AGAP1: variants seen among roughly 807,000 people sequenced by gnomAD.
The protein encoded by AGAP1 is arf-GAP with GTPase, ANK repeat and PH domain-containing protein 1.
AGAP1 carries 29 observed loss-of-function variants against 105.3 expected under a neutral mutation model. The observed-to-expected ratio is 0.28, with a 90% confidence interval of 0.21 to 0.38. The LOEUF (loss-of-function observed/expected upper bound fraction) is 0.38, where lower values mean the gene tolerates loss of function less well. AGAP1 is among the 10% of genes least tolerant of loss of function. The pLI, the probability that AGAP1 is intolerant of heterozygous loss-of-function variation, is 1.00. For missense variants in AGAP1, 998 were observed against 1,165.1 expected (o/e 0.86, Z 2.09); for synonymous variants, 509 against 485.9 (o/e 1.05, Z -0.63).
At chr2:235,839,073 T>C (rs538656466) in intron 9 of AGAP1, among the ~76,000 whole-genome samples, 4 of 152,350 alleles carry the variant, frequency 2.6e-5, no homozygotes, top group Non-Finnish European at 5.9e-5. Context: ...GGATATTTCA[T>C]GTGACCGAGG....
At chr2:235,897,575 G>A (rs987923796) in intron 10 of AGAP1, among the ~76,000 whole-genome samples, 3 of 152,110 alleles carry the variant, frequency 2.0e-5, no homozygotes, top group Non-Finnish European at 4.4e-5. Flanking sequence ...ATGTCAGATC[G>A]TCTCTGGCCG....
Position 236,040,482 on chromosome 2 carries a change from A to G in AGAP1, c.1801-269A>G, listed in dbSNP as rs1010582947. ...GTCCATGCGTATTCACAGATGATCC[A>G]GAACTCTCCTCTTTGCTCATTTCTG... is the stretch of plus-strand genomic sequence containing the variant. On this transcript the variant is annotated intron_variant, in intron 14 of 17. Coordinates refer to ENST00000304032, the MANE Select transcript of AGAP1 (RefSeq NM_001037131.3). This position sits in a 1 kb window ranked among gnomAD's most constrained non-coding sequence, Gnocchi z 5.6. 7.8e-6 allele frequency: 4 copies of G among 514,336 alleles called. No homozygotes were observed. The highest frequency in any genetic ancestry group is 1.4e-5 in the Non-Finnish European group (4 of 285,714). 31.9% of individuals were successfully genotyped at this position (514,336 alleles called of 1,614,324 possible).
chr2:235,686,665 A>ATATAT (rs1369766503), intron 1 of AGAP1, among the ~76,000 whole-genome samples: 7 of 77,500 alleles, frequency 9.0e-5, no homozygotes, highest in African/African-American at 4.5e-4. Context: ...ATATATATAT[A>ATATAT]TTTTTTTTTT....
At position 235,960,049 on chromosome 2, in the gene AGAP1, A is replaced by G. The variant is rs1437559941; in HGVS notation, c.1484-8413A>G. ...AGGAGAACGCAGTGGGCAGAGACGCACCCTGCCCTGCCTGCAGCATGGCCT... is the reference window on the plus strand; with the variant it reads ...AGGAGAACGCAGTGGGCAGAGACGCGCCCTGCCCTGCCTGCAGCATGGCCT... On this transcript the variant is annotated intron_variant, in intron 12 of 17. Transcript: ENST00000304032. This position sits in a 1 kb window ranked among gnomAD's most constrained non-coding sequence, Gnocchi z 4.9. Among the ~76,000 whole-genome samples the G allele has an allele frequency of 6.6e-6, 1 of 152,020 alleles. No individual in the cohort carries two copies. Among genetic ancestry groups the G allele is most frequent in the Non-Finnish European group, 1.5e-5 (1 of 67,982 alleles).
At chr2:235,837,380 T>G (rs1360685100) in intron 9 of AGAP1, among the ~76,000 whole-genome samples, 1 of 152,188 alleles carries the variant, frequency 6.6e-6, no homozygotes, top group African/African-American at 2.4e-5. Flanking sequence ...GAACGTTTAC[T>G]CTAAAGGATC....
At chr2:236,094,476 T>G (rs998408525) in intron 16 of AGAP1, among the ~76,000 whole-genome samples, 9 of 151,562 alleles carry the variant, frequency 5.9e-5, no homozygotes, top group Non-Finnish European at 8.8e-5. Flanking sequence ...TTCAGCCTCC[T>G]GAGTAGCTGC....
chr2:235,495,759 C>T (rs1320078705), intron 1 of AGAP1, among the ~76,000 whole-genome samples: 1 of 152,210 alleles, frequency 6.6e-6, no homozygotes, highest in East Asian at 1.9e-4. Flanking sequence ...TCCCTTTGGT[C>T]CGGCCAAGAC....
In AGAP1 at chr2:235,665,438, A is replaced by G. The variant is rs554647266; in HGVS notation, c.164-43741A>G. Among the ~76,000 whole-genome samples the G allele has an allele frequency of 7.9e-5, 12 of 152,288 alleles. No individual in the cohort carries two copies. The highest frequency in any genetic ancestry group is 2.4e-4 in the African/African-American group (10 of 41,568). Reference sequence around the variant, plus strand: ...GTTCCACGTTTAACCTTCAGCTTTTAAAACGAGAGAAATAGGGTCCCCAGT... The same window carrying G: ...GTTCCACGTTTAACCTTCAGCTTTTGAAACGAGAGAAATAGGGTCCCCAGT... On this transcript the variant is annotated intron_variant, in intron 1 of 17. Transcript: ENST00000304032. The surrounding 1 kb of genome is among the most constrained non-coding windows in gnomAD (Gnocchi z 5.3).
At position 235,642,658 on chromosome 2, in the gene AGAP1, G is replaced by A. The variant is rs75376999; in HGVS notation, c.164-66521G>A. Among the ~76,000 whole-genome samples, 4,008 of 152,254 alleles carry A rather than the reference G, an allele frequency of 0.026. 100 individuals are homozygous for A. Among genetic ancestry groups the A allele is most frequent in the African/African-American group, 0.061 (2,517 of 41,536 alleles). ...CACACCAGCTTGGGGATGAATCAGC[G>A]GGTGCTCTGACCACTACTTTCCCAA... On this transcript the variant is annotated intron_variant, in intron 1 of 17. Coordinates refer to ENST00000304032, the MANE Select transcript of AGAP1 (RefSeq NM_001037131.3). The surrounding 1 kb of genome is among the most constrained non-coding windows in gnomAD (Gnocchi z 4.1).
chr2:236,033,792 G>T (rs1208911920), intron 13 of AGAP1, among the ~76,000 whole-genome samples: 1 of 152,238 alleles, frequency 6.6e-6, no homozygotes, highest in Non-Finnish European at 1.5e-5. Flanking sequence ...TCCAGTGACT[G>T]TAGCTCATGA....
In AGAP1 at chr2:235,709,111, T is replaced by C; in HGVS notation, c.164-68T>C. 13 of 1,502,156 alleles carry C rather than the reference T, an allele frequency of 8.7e-6. No homozygotes were observed. The Admixed American group carries it at 1.3e-4, about 15-fold the overall frequency. The allele number at this position is 1,502,156 out of a possible 1,614,324, so 93.1% of individuals were successfully genotyped here. On this transcript the variant is annotated intron_variant, in intron 1 of 17. Transcript: ENST00000304032. Reference sequence around the variant, plus strand: ...GACCTTCGGATGTGAAAATGGCCCATTGGAGGCATTTTGACTTGGCCTTTA... The same window carrying C: ...GACCTTCGGATGTGAAAATGGCCCACTGGAGGCATTTTGACTTGGCCTTTA...
intron 3 of AGAP1, among the ~76,000 whole-genome samples, chr2:235,738,399 C>T (rs543121062): frequency 2.6e-5 from 4 of 152,054 alleles, no homozygotes; most frequent in Non-Finnish European, 2.9e-5. Flanking sequence ...AGTTGAGTTA[C>T]GTGCTGGAGG....
Position 235,866,301 on chromosome 2 carries a change from C to G in AGAP1, c.1051-17044C>G, listed in dbSNP as rs1559582369. 1.3e-5 allele frequency among the ~76,000 whole-genome samples: 2 copies of G among 152,154 alleles called. No individual in the cohort carries two copies. Among genetic ancestry groups the G allele is most frequent in the South Asian group, 2.1e-4 (1 of 4,836 alleles). On this transcript the variant is annotated intron_variant, in intron 9 of 17. Transcript: ENST00000304032. The surrounding 1 kb of genome is among the most constrained non-coding windows in gnomAD (Gnocchi z 6.1). ...GGGAATCTGGGAGCCCGAGCCGACTCAGACAGTCCTGACTCCCCAGAATTC... is the reference window on the plus strand; with the variant it reads ...GGGAATCTGGGAGCCCGAGCCGACTGAGACAGTCCTGACTCCCCAGAATTC...
rs916541881 is a variant in AGAP1, at chr2:235,631,028, C to T, written c.164-78151C>T. ...TAACTGTGAATCGTGTCGTAAAACG[C>T]GTCTTTGGCCTGTCAAAAATATTTT... On this transcript the variant is annotated intron_variant, in intron 1 of 17. Coordinates refer to ENST00000304032, the MANE Select transcript of AGAP1 (RefSeq NM_001037131.3). This position sits in a 1 kb window ranked among gnomAD's most constrained non-coding sequence, Gnocchi z 5.4. Among the ~76,000 whole-genome samples, 18 of 152,184 alleles carry T rather than the reference C, an allele frequency of 1.2e-4. No homozygotes were observed. The highest frequency in any genetic ancestry group is 2.4e-4 in the Non-Finnish European group (16 of 68,036).
intron 1 of AGAP1, among the ~76,000 whole-genome samples, chr2:235,676,603 C>A (rs1436613743): frequency 6.6e-6 from 1 of 152,142 alleles, no homozygotes; most frequent in Non-Finnish European, 1.5e-5. Flanking sequence ...TTCCTGTTCC[C>A]CAGATCCTTA....
chr2:235,787,184 T>C lies in AGAP1; in HGVS notation c.674-10575T>C, dbSNP rs1000994026. Among the ~76,000 whole-genome samples the C allele has an allele frequency of 6.6e-6, 1 of 152,232 alleles. No homozygotes were observed. Among genetic ancestry groups the C allele is most frequent in the Admixed American group, 6.5e-5 (1 of 15,286 alleles). On this transcript the variant is annotated intron_variant, in intron 6 of 17. Coordinates refer to ENST00000304032, the MANE Select transcript of AGAP1 (RefSeq NM_001037131.3). This position sits in a 1 kb window ranked among gnomAD's most constrained non-coding sequence, Gnocchi z 4.4. The stretch of plus-strand genomic sequence containing the variant: ...CCCTCTCCTGTTGTAAGAGTTGAGC[T>C]AGCAGGGGCCGCCTCTACCCTTGGC...
chr2:235,713,433 A>G (rs950247703), intron 2 of AGAP1, among the ~76,000 whole-genome samples: 14 of 152,194 alleles, frequency 9.2e-5, no homozygotes, highest in Non-Finnish European at 2.1e-4. Context: ...TCATTCACTC[A>G]CCAGCAGTGC....
rs13427411 is a variant in AGAP1 at position 235,777,385 on chromosome 2, C to T, written c.674-20374C>T. Among the ~76,000 whole-genome samples, 379 of 152,248 alleles carry T rather than the reference C, an allele frequency of 2.5e-3. 1 individual carries two copies. Among genetic ancestry groups the T allele is most frequent in the African/African-American group, 8.7e-3 (363 of 41,552 alleles). On this transcript the variant is annotated intron_variant, in intron 6 of 17. Coordinates refer to ENST00000304032, the MANE Select transcript of AGAP1 (RefSeq NM_001037131.3). The surrounding 1 kb of genome is among the most constrained non-coding windows in gnomAD (Gnocchi z 5.1). Reference sequence around the variant, plus strand: ...ACAAAAGTGATTTCCTGAGCTGCTCCGAGCTGGAGACAGAACCAGCAGACA... The same window carrying T: ...ACAAAAGTGATTTCCTGAGCTGCTCTGAGCTGGAGACAGAACCAGCAGACA...
rs2059440632 is a variant in AGAP1 at position 236,104,634 on chromosome 2, T to TAATGCCAGCACTTTGGGAGGCCA, written c.2115-15556_2115-15534dup. 6.6e-6 allele frequency among the ~76,000 whole-genome samples: 1 copy of TAATGCCAGCACTTTGGGAGGCCA among 152,100 alleles called. No individual in the cohort carries two copies. Among genetic ancestry groups the TAATGCCAGCACTTTGGGAGGCCA allele is most frequent in the Non-Finnish European group, 1.5e-5 (1 of 68,018 alleles). ...GGCCAGGCGCGGTGGCTCATGCCTG[T>TAATGCCAGCACTTTGGGAGGCCA]AATGCCAGCACTTTGGGAGGCCAAG... On this transcript the variant is annotated intron_variant, in intron 16 of 17. Transcript: ENST00000304032. The surrounding 1 kb of genome is among the most constrained non-coding windows in gnomAD (Gnocchi z 4.7).
Sources: gnomAD v4.1 joint callset for allele counts (sites outside exome capture counted in the v4.1 genomes callset) on GRCh38, gnomAD v4.1.1 for gene constraint, Gnocchi (gnomAD v3.1) non-coding constraint, MANE v1.5 for transcripts, NCBI Gene and HGNC (gene_info 2026-07-23, HGNC 2026-07-21) for gene names.